Variants in DTNA observed in about 807,000 individuals in gnomAD.
DTNA encodes the protein dystrobrevin alpha, also known as dystrophin-related protein 3.
Under a neutral mutation model 100.7 loss-of-function variants are expected in DTNA, and 43 were observed. The observed-to-expected ratio is 0.43, with a 90% confidence interval of 0.33 to 0.55. DTNA has a LOEUF of 0.55. DTNA is among the 20% of genes least tolerant of loss of function. The pLI is 0.04. For synonymous variants in DTNA, 349 were observed against 347.9 expected (o/e 1.00, Z -0.04); for missense variants, 798 against 953.9 (o/e 0.84, Z 2.15).
chr18:34,594,984 C>T (rs749698070), intron 1 of DTNA, among the ~76,000 whole-genome samples: 3 of 152,218 alleles, frequency 2.0e-5, no homozygotes, highest in Non-Finnish European at 2.9e-5. Flanking sequence ...AATATCTGAC[C>T]TTGTGACAGT....
chr18:34,720,712 G>C (rs542614192), intron 1 of DTNA, among the ~76,000 whole-genome samples: 1 of 152,174 alleles, frequency 6.6e-6, no homozygotes, highest in South Asian at 2.1e-4. Context: ...ACAAGGAAGA[G>C]AGAGTGGAAG....
chr18:34,681,282 A>T (rs2078064228), intron 1 of DTNA, among the ~76,000 whole-genome samples: 1 of 152,214 alleles, frequency 6.6e-6, no homozygotes, highest in Non-Finnish European at 1.5e-5. Flanking sequence ...TTCTTAAGAA[A>T]ACAAGTGATT....
intron 13 of DTNA, among the ~76,000 whole-genome samples, chr18:34,840,850 C>A (rs1320743413): frequency 1.3e-5 from 2 of 151,904 alleles, no homozygotes; most frequent in East Asian, 3.9e-4. Flanking sequence ...TTTTTCTTCC[C>A]TTTTCTTTAT....
At chr18:34,579,347 T>A (rs866692745) in intron 1 of DTNA, among the ~76,000 whole-genome samples, 3 of 152,194 alleles carry the variant, frequency 2.0e-5, no homozygotes, top group Non-Finnish European at 4.4e-5. Context: ...GGTAATTTTT[T>A]AAAAGGTCTT....
chr18:34,714,942 T>C (rs971434391), intron 1 of DTNA, among the ~76,000 whole-genome samples: 3 of 151,122 alleles, frequency 2.0e-5, no homozygotes, highest in Admixed American at 6.7e-5. Context: ...TCACTCTCAG[T>C]AAACTATCGC....
chr18:34,838,048 A>G, intron 11 of DTNA, 46 bp from the exon 12 acceptor site: 1 of 1,575,004 alleles, frequency 6.3e-7, no homozygotes, highest in Non-Finnish European at 8.7e-7. Context: ...TCTTGAATGC[A>G]TTGCCGTGTT....
chr18:34,683,212 G>A (rs1019930209), intron 1 of DTNA, among the ~76,000 whole-genome samples: 2 of 152,068 alleles, frequency 1.3e-5, no homozygotes, highest in African/African-American at 4.8e-5. Context: ...GATGCCTTAT[G>A]ATCTGAACAT....
intron 1 of DTNA, among the ~76,000 whole-genome samples, chr18:34,542,606 A>ATG: frequency 6.6e-6 from 1 of 152,074 alleles, no homozygotes; most frequent in East Asian, 1.9e-4. Flanking sequence ...CATGTTGCTG[A>ATG]TTCATTCAAG....
intron 1 of DTNA, among the ~76,000 whole-genome samples, chr18:34,552,122 C>G (rs1390908690): frequency 2.6e-5 from 4 of 151,952 alleles, no homozygotes; most frequent in Non-Finnish European, 5.9e-5. Context: ...TCTTACTTTC[C>G]TATGTTTAAA....
chr18:34,723,464 A>G (rs771960012), intron 1 of DTNA, among the ~76,000 whole-genome samples: 57 of 152,380 alleles, frequency 3.7e-4, no homozygotes, highest in Non-Finnish European at 7.8e-4. Flanking sequence ...AACATAATAG[A>G]AATAATTTAT....
chr18:34,874,802 A>G (rs2096799066), intron 17 of DTNA, among the ~76,000 whole-genome samples: 1 of 152,242 alleles, frequency 6.6e-6, no homozygotes, highest in Non-Finnish European at 1.5e-5. Flanking sequence ...TCCTCTAAAG[A>G]TAATGCTAGT....
chr18:34,732,048 A>C (rs16965818), intron 1 of DTNA, among the ~76,000 whole-genome samples: 23,957 of 152,144 alleles, frequency 0.16, 3,329 homozygotes, highest in African/African-American at 0.38. Context: ...TCCCTATCCA[A>C]GTTCCATTTA....
intron 1 of DTNA, among the ~76,000 whole-genome samples, chr18:34,668,632 T>C (rs2076290659): frequency 6.6e-6 from 1 of 152,238 alleles, no homozygotes; most frequent in African/African-American, 2.4e-5. Context: ...TTTGTCTTTG[T>C]TCTCGTTGGT....
intron 2 of DTNA, among the ~76,000 whole-genome samples, 191 bp downstream of exon 2, chr18:34,756,234 AT>A (rs1277383258): frequency 6.6e-6 from 1 of 152,084 alleles, no homozygotes; most frequent in Non-Finnish European, 1.5e-5. Context: ...ATTCATCCTA[AT>A]TTGCTATTAG....
chr18:34,666,598 A>G (rs2075964347), intron 1 of DTNA, among the ~76,000 whole-genome samples: 1 of 152,162 alleles, frequency 6.6e-6, no homozygotes, highest in African/African-American at 2.4e-5. Context: ...TAATTTTTGT[A>G]CAAGGTATAA....
chr18:34,836,453 G>C (rs1392553679), intron 11 of DTNA, among the ~76,000 whole-genome samples: 1 of 152,004 alleles, frequency 6.6e-6, no homozygotes, highest in East Asian at 1.9e-4. Flanking sequence ...GGGAGTTCGA[G>C]ACCAGCCAAC....
At chr18:34,868,882 A>G in intron 17 of DTNA, 1 of 675,644 alleles carries the variant, frequency 1.5e-6, no homozygotes, top group Non-Finnish European at 1.8e-6. Context: ...TAAAAAGAAC[A>G]CTCATAAAAC....
chr18:34,756,142 CT>C, intron 2 of DTNA, 99 bp downstream of exon 2: 1 of 1,381,384 alleles, frequency 7.2e-7, no homozygotes, highest in Non-Finnish European at 1.0e-6. Flanking sequence ...TGTACTTTTC[CT>C]TAGGATCCTA....
chr18:34,546,275 G>A (rs924168768), intron 1 of DTNA, among the ~76,000 whole-genome samples: 2 of 151,958 alleles, frequency 1.3e-5, no homozygotes, highest in Non-Finnish European at 2.9e-5. Context: ...CTAACCAAAG[G>A]CATACATGTC....
Sources: gnomAD v4.1 joint callset for allele counts (sites outside exome capture counted in the v4.1 genomes callset) on GRCh38, gnomAD v4.1.1 for gene constraint, MANE v1.5 for transcripts, NCBI Gene and HGNC (gene_info 2026-07-23, HGNC 2026-07-21) for gene names.